The following ATP2B3 variants were observed in gnomAD, a reference collection of about 807,000 sequenced individuals.
The protein encoded by ATP2B3 is plasma membrane calcium-transporting ATPase 3.
ATP2B3 carries 12 observed loss-of-function variants against 70.8 expected under a neutral mutation model. The observed-to-expected ratio is 0.17, with a 90% CI of 0.11 to 0.27. The LOEUF (loss-of-function observed/expected upper bound fraction) is 0.27. Among genes scored for constraint, ATP2B3 ranks in the 10% least tolerant of loss-of-function variants. The probability of loss-of-function intolerance (pLI) is 1.00; values close to 1 mark genes in which losing one functional copy is unlikely to be tolerated. For missense variants in ATP2B3, 858 were observed against 1,118.5 expected, an observed-to-expected ratio of 0.77 and a Z score of 3.32; for synonymous variants, 460 against 497.8, an observed-to-expected ratio of 0.92 and a Z score of 1.01.
chrX:153,579,982 G>A lies in ATP2B3; in HGVS notation c.3347G>A (p.Arg1116Gln), dbSNP rs147050282. Residue 1116 changes from arginine (R) to glutamine (Q), a missense_variant, in exon 22 of 22, where the codon CGG becomes CAG. Physicochemically the swap from Arg to Gln is conservative, Grantham distance 43 (BLOSUM62 1). Transcript: ENST00000263519. ...TCCCTCCACCTCCCACTCCAGATCC[G>A]GGTGGTGAAAGCGTTCCGTAGCTCG... ...RGLNRIQTQIRVVKAFRSSLY... is the reference protein window; with the variant it reads ...RGLNRIQTQIQVVKAFRSSLY... 1.0e-5 allele frequency: 12 copies of A among 1,200,492 alleles called. No homozygotes were observed. Among genetic ancestry groups the A allele is most frequent in the African/African-American group, 8.8e-5 (5 of 56,604 alleles).
intron 20 of ATP2B3, among the ~76,000 whole-genome samples, chrX:153,564,054 T>C (rs2090665641): frequency 8.9e-6 from 1 of 112,122 alleles, no homozygotes; most frequent in African/African-American, 3.2e-5. Flanking sequence ...CCATGCCCTC[T>C]CTTTACTCCT....
Position 153,553,122 on chromosome X carries a change from G to A in ATP2B3, c.1911G>A (p.Pro637=), listed in dbSNP as rs189723972. 5.8e-6 allele frequency: 7 copies of A among 1,208,583 alleles called. No individual in the cohort carries two copies. The highest frequency in any genetic ancestry group is 7.8e-6 in the Non-Finnish European group (7 of 893,801). ...RDDMVRKIIE[P]MACDGLRTIC... ...ACATGGTGAGGAAGATCATCGAGCCGATGGCTTGCGATGGCCTCCGCACCA... is the reference window on the plus strand; with the variant it reads ...ACATGGTGAGGAAGATCATCGAGCCAATGGCTTGCGATGGCCTCCGCACCA... Residue 637 remains proline (P), a synonymous_variant, in exon 13 of 22, where the codon CCG becomes CCA. Coordinates refer to ENST00000263519, the MANE Select transcript of ATP2B3 (RefSeq NM_001001344.3).
intron 2 of ATP2B3, among the ~76,000 whole-genome samples, chrX:153,535,809 G>A (rs1157806038): frequency 1.8e-5 from 2 of 112,781 alleles, no homozygotes; most frequent in Admixed American, 9.3e-5. Flanking sequence ...CTGGGGGGCA[G>A]TGACAGCCTC....
At chrX:153,549,419 G>A (rs891994682) in intron 10 of ATP2B3, 78 bp from the exon 11 acceptor site, 10 of 1,192,704 alleles carry the variant, frequency 8.4e-6, no homozygotes, top group Admixed American at 6.6e-5. Context: ...AGAGTCACGC[G>A]ATGTTTGTGT....
At chrX:153,574,667 C>A in intron 21 of ATP2B3, 1 of 273,049 alleles carries the variant, frequency 3.7e-6, no homozygotes, top group Non-Finnish European at 7.2e-6. Flanking sequence ...CCTTTTTCTA[C>A]TCTTCTCGGT....
intron 2 of ATP2B3, among the ~76,000 whole-genome samples, chrX:153,520,012 C>G (rs1406795997): frequency 1.8e-5 from 2 of 108,736 alleles, no homozygotes; most frequent in African/African-American, 3.4e-5. Flanking sequence ...GCTTCAGTGA[C>G]AGCAGCCCCT....
chrX:153,554,035 C>A (rs1384534463), intron 13 of ATP2B3, among the ~76,000 whole-genome samples: 1 of 113,660 alleles, frequency 8.8e-6, no homozygotes, highest in Non-Finnish European at 1.9e-5. Context: ...GGCTCTCCTT[C>A]GGGAGACAGG....
At chrX:153,542,951 C>T (rs1189211318) in intron 6 of ATP2B3, 92 bp from the exon 7 acceptor site, 3 of 1,101,140 alleles carry the variant, frequency 2.7e-6, no homozygotes, top group East Asian at 3.2e-5. Context: ...TCCCTGCTTC[C>T]GGGAGACCCT....
intron 7 of ATP2B3, 44 bp downstream of exon 7, chrX:153,543,212 C>T: frequency 8.5e-7 from 1 of 1,175,040 alleles, no homozygotes; most frequent in South Asian, 1.9e-5. Context: ...GTGGCGGCTC[C>T]TTCCACGCTG....
At chrX:153,563,113 A>G (rs2090649532) in intron 20 of ATP2B3, among the ~76,000 whole-genome samples, 1 of 101,829 alleles carries the variant, frequency 9.8e-6, no homozygotes, top group Non-Finnish European at 2.0e-5. Context: ...AGCACAGTTC[A>G]GTCCATAGCA....
chrX:153,560,064 C>T (rs1441916756), intron 18 of ATP2B3, 122 bp downstream of exon 18: 2 of 737,689 alleles, frequency 2.7e-6, no homozygotes, highest in Non-Finnish European at 4.0e-6. Flanking sequence ...GGACGCTGCA[C>T]TTCCTGACTG....
intron 21 of ATP2B3, among the ~76,000 whole-genome samples, chrX:153,565,662 G>A (rs1557017945): frequency 8.9e-6 from 1 of 112,516 alleles, no homozygotes; most frequent in Non-Finnish European, 1.9e-5. Context: ...CCTCTCTGAA[G>A]TCAGATGGCC....
chrX:153,538,066 C>T (rs1557004858), intron 3 of ATP2B3, among the ~76,000 whole-genome samples: 1 of 112,894 alleles, frequency 8.9e-6, no homozygotes, highest in Non-Finnish European at 1.9e-5. Flanking sequence ...AGAGGACCGG[C>T]CCCTCCCCTC....
At chrX:153,542,600 C>A in intron 6 of ATP2B3, 152 bp downstream of exon 6, 1 of 815,841 alleles carries the variant, frequency 1.2e-6, no homozygotes, top group African/African-American at 2.1e-5. Context: ...AGACTCCGCC[C>A]GTCTTGAGGC....
chrX:153,539,031 C>T (rs1277708684), intron 3 of ATP2B3, among the ~76,000 whole-genome samples: 1 of 112,671 alleles, frequency 8.9e-6, no homozygotes, highest in Admixed American at 9.3e-5. Context: ...AGTGGAGACC[C>T]CAGGTGTCTG....
rs111317380 is a variant in ATP2B3 at position 153,580,144 on chromosome X, G to C, written c.3509G>C (p.Arg1170Pro). The change falls in exon 22 of 22, where the codon CGC (arginine) becomes CCC (proline). Residue 1170 changes from arginine to proline, a missense_variant. Physicochemically the swap from Arg to Pro is moderately radical, Grantham distance 103. Transcript: ENST00000263519. ...ACGGACGTGGACGAGAACGAGGAGC[G>C]CCTCCGGGCCCCCCCGCCCCCGTCC... Reference protein sequence around the residue: ...DDTDVDENEERLRAPPPPSPN... With the variant: ...DDTDVDENEEPLRAPPPPSPN... The C allele has an allele frequency of 1.9e-5, 23 of 1,210,227 alleles. No individual in the cohort carries two copies. Among genetic ancestry groups the C allele is most frequent in the Non-Finnish European group, 2.6e-5 (23 of 895,207 alleles).
chrX:153,524,614 A>T (rs2090004411), intron 2 of ATP2B3, among the ~76,000 whole-genome samples: 1 of 111,698 alleles, frequency 9.0e-6, no homozygotes, highest in Admixed American at 9.5e-5. Flanking sequence ...AGTTGTCCCC[A>T]TCTCTAGTAG....
intron 21 of ATP2B3, among the ~76,000 whole-genome samples, chrX:153,566,803 C>T (rs782063397): frequency 6.3e-5 from 7 of 111,604 alleles, no homozygotes; most frequent in Non-Finnish European, 1.3e-4. Context: ...CCCCAACTCC[C>T]GCTGCGTCCC....
chrX:153,575,003 T>C (rs1557020995), intron 21 of ATP2B3: 1 of 267,820 alleles, frequency 3.7e-6, no homozygotes, highest in Admixed American at 3.8e-5. Context: ...TCTGGGCAGC[T>C]GGTAACAAAC....
Sources: allele counts gnomAD v4.1 joint callset (sites outside exome capture counted in the v4.1 genomes callset), GRCh38; gene constraint gnomAD v4.1.1; transcripts MANE v1.5; gene names NCBI Gene and HGNC (gene_info 2026-07-23, HGNC 2026-07-21).